Variants in GPC6 observed in about 807,000 individuals in gnomAD.
The protein encoded by GPC6 is glypican-6.
A neutral mutation model predicts 55.2 loss-of-function variants in GPC6; 14 were observed. That is an observed-to-expected ratio of 0.25 (90% CI 0.17 to 0.40). GPC6 has a LOEUF of 0.40. Ranked by LOEUF, GPC6 falls within the 10% of genes least tolerant of loss-of-function variation. The probability of loss-of-function intolerance (pLI) is 1.00; values close to 1 mark genes in which losing one functional copy is unlikely to be tolerated. For missense variants in GPC6, 641 were observed against 708.5 expected, an observed-to-expected ratio of 0.90 and a Z score of 1.08; for synonymous variants, 278 against 259.6, an observed-to-expected ratio of 1.07 and a Z score of -0.68.
At chr13:94,376,532 G>A (rs1879863835) in intron 6 of GPC6, among the ~76,000 whole-genome samples, 1 of 151,316 alleles carries the variant, frequency 6.6e-6, no homozygotes, top group Admixed American at 6.6e-5. Flanking sequence ...ACAAACCACT[G>A]CTCAAGGAAA....
At chr13:94,269,846 T>C (rs1891936404) in intron 4 of GPC6, among the ~76,000 whole-genome samples, 1 of 152,182 alleles carries the variant, frequency 6.6e-6, no homozygotes, top group African/African-American at 2.4e-5. Flanking sequence ...ATTTAGGAAC[T>C]AGAAAGTCTA....
intron 4 of GPC6, among the ~76,000 whole-genome samples, chr13:94,140,855 C>T (rs1887349674): frequency 6.6e-6 from 1 of 151,958 alleles, no homozygotes; most frequent in Admixed American, 6.6e-5. Flanking sequence ...GCCACCTTTG[C>T]ACATTGTCAA....
intron 1 of GPC6, among the ~76,000 whole-genome samples, chr13:93,419,400 G>A (rs917859396): frequency 6.6e-6 from 1 of 151,892 alleles, no homozygotes; most frequent in African/African-American, 2.4e-5. Flanking sequence ...GGTAATGTTT[G>A]TAGCAATTAA....
intron 4 of GPC6, among the ~76,000 whole-genome samples, chr13:94,083,583 T>C (rs953171967): frequency 1.3e-5 from 2 of 152,264 alleles, no homozygotes; most frequent in Admixed American, 1.3e-4. Context: ...TAGCACTTGA[T>C]AGACATTGAG....
At chr13:94,170,998 G>A (rs777728079) in intron 4 of GPC6, among the ~76,000 whole-genome samples, 1 of 152,164 alleles carries the variant, frequency 6.6e-6, no homozygotes. Flanking sequence ...CTCTTTAGTT[G>A]CTTATTTGTG....
At chr13:93,387,170 T>A (rs1875439648) in intron 1 of GPC6, among the ~76,000 whole-genome samples, 1 of 152,102 alleles carries the variant, frequency 6.6e-6, no homozygotes, top group Non-Finnish European at 1.5e-5. Context: ...ATTTTTATTT[T>A]ATTTTACTTT....
intron 1 of GPC6, among the ~76,000 whole-genome samples, chr13:93,403,426 A>G (rs781225324): frequency 6.6e-6 from 1 of 152,098 alleles, no homozygotes; most frequent in Non-Finnish European, 1.5e-5. Flanking sequence ...TTACTCCATA[A>G]TCCGTTAGGT....
chr13:93,930,208 C>T (rs913351973), intron 3 of GPC6, among the ~76,000 whole-genome samples: 2 of 150,668 alleles, frequency 1.3e-5, no homozygotes, highest in African/African-American at 4.9e-5. Flanking sequence ...CAGGTATAAG[C>T]AGGTACTTAT....
chr13:93,951,209 T>C (rs776376951), intron 3 of GPC6, among the ~76,000 whole-genome samples: 60 of 152,194 alleles, frequency 3.9e-4, no homozygotes, highest in Non-Finnish European at 7.2e-4. Context: ...ACTCTTTTCA[T>C]CTCCAGTAAA....
rs141486149 is a variant in GPC6, at chr13:94,196,503, T to C, written c.878-89846T>C. Among the ~76,000 whole-genome samples the C allele has an allele frequency of 3.1e-3, 465 of 152,320 alleles. 2 individuals are homozygous for C. Among genetic ancestry groups the C allele is most frequent in the African/African-American group, 0.01 (435 of 41,566 alleles). On this transcript the variant is annotated intron_variant, in intron 4 of 8. Transcript: ENST00000377047. The stretch of plus-strand genomic sequence containing the variant: ...AACAACAGAAAATATCATTTTAAGA[T>C]GCCGGGTGGTTTCAGACTCTCAACA...
intron 1 of GPC6, among the ~76,000 whole-genome samples, chr13:93,230,570 G>A (rs928328017): frequency 6.6e-6 from 1 of 152,098 alleles, no homozygotes; most frequent in African/African-American, 2.4e-5. Context: ...AGCAATTCTT[G>A]TGGTATAGAA....
chr13:93,945,273 T>A (rs952328601), intron 3 of GPC6, among the ~76,000 whole-genome samples: 1 of 152,226 alleles, frequency 6.6e-6, no homozygotes, highest in African/African-American at 2.4e-5. Flanking sequence ...TATAGTCAAT[T>A]GATTGTCATA....
intron 1 of GPC6, among the ~76,000 whole-genome samples, chr13:93,424,297 C>G (rs904483660): frequency 3.9e-5 from 6 of 152,118 alleles, no homozygotes; most frequent in African/African-American, 9.7e-5. Flanking sequence ...GCCCTCGTGC[C>G]CCAGCATCGA....
intron 1 of GPC6, among the ~76,000 whole-genome samples, chr13:93,455,692 G>T (rs1594181959): frequency 6.6e-6 from 1 of 152,198 alleles, no homozygotes; most frequent in East Asian, 2.0e-4. Flanking sequence ...TATTATGGTT[G>T]AATTGGTTGA....
At chr13:93,420,655 T>G (rs978910533) in intron 1 of GPC6, among the ~76,000 whole-genome samples, 27 of 152,174 alleles carry the variant, frequency 1.8e-4, no homozygotes, top group Admixed American at 1.8e-3. Context: ...ATCCTTGTTT[T>G]TCTGTGTAGA....
chr13:93,376,177 A>G (rs1242311751), intron 1 of GPC6, among the ~76,000 whole-genome samples: 1 of 151,906 alleles, frequency 6.6e-6, no homozygotes, highest in Non-Finnish European at 1.5e-5. Flanking sequence ...GCAAGGTCAG[A>G]GGAGACCCCT....
chr13:93,901,300 T>C (rs1182147024), intron 3 of GPC6, among the ~76,000 whole-genome samples: 1 of 151,794 alleles, frequency 6.6e-6, no homozygotes, highest in Non-Finnish European at 1.5e-5. Context: ...TAAAAATCCA[T>C]GTATTTCTAA....
At chr13:94,192,474 G>A (rs1275272991) in intron 4 of GPC6, among the ~76,000 whole-genome samples, 2 of 152,158 alleles carry the variant, frequency 1.3e-5, no homozygotes, top group African/African-American at 4.8e-5. Context: ...ACTAGCTCAA[G>A]GGAAAGGGTA....
chr13:93,272,490 G>GTATATATATATATATATATATATATATA (rs71202576), intron 1 of GPC6, among the ~76,000 whole-genome samples: 1 of 95,436 alleles, frequency 1.0e-5, no homozygotes, highest in Non-Finnish European at 2.1e-5. Flanking sequence ...CATTGTCTGT[G>GTATATATATATATATATATATATATATA]TGTATATATA....
Sources: gnomAD v4.1 joint callset for allele counts (sites outside exome capture counted in the v4.1 genomes callset) on GRCh38, gnomAD v4.1.1 for gene constraint, MANE v1.5 for transcripts, NCBI Gene and HGNC (gene_info 2026-07-23, HGNC 2026-07-21) for gene names.